Variants in PDE10A observed in about 807,000 individuals in gnomAD.
PDE10A encodes phosphodiesterase 10A.
PDE10A carries 39 observed loss-of-function variants against 97.7 expected under a neutral mutation model. That is an observed-to-expected ratio of 0.40 (90% CI 0.31 to 0.52). The LOEUF is 0.52. Among genes scored for constraint, PDE10A ranks in the 20% least tolerant of loss-of-function variants. The pLI is 0.56. For missense variants in PDE10A, 731 were observed against 1,047.8 expected, an observed-to-expected ratio of 0.70 and a Z score of 4.17; for synonymous variants, 371 against 376.8, an observed-to-expected ratio of 0.98 and a Z score of 0.18.
chr6:165,835,803 C>A (rs1002300959), intron 1 of PDE10A, among the ~76,000 whole-genome samples: 4 of 152,168 alleles, frequency 2.6e-5, no homozygotes, highest in African/African-American at 4.8e-5. Flanking sequence ...TTTCCTAGGG[C>A]AGGCACGGGC....
chr6:165,966,661 T>C (rs1784521046), intron 1 of PDE10A, among the ~76,000 whole-genome samples: 1 of 152,236 alleles, frequency 6.6e-6, no homozygotes, highest in African/African-American at 2.4e-5. Flanking sequence ...GTACAATTTT[T>C]GCAAAGCCTT....
chr6:165,470,294 C>T (rs190210998), intron 3 of PDE10A, among the ~76,000 whole-genome samples: 9 of 152,168 alleles, frequency 5.9e-5, no homozygotes, highest in South Asian at 4.1e-4. Flanking sequence ...ACTGACTCCA[C>T]GTAATTCTAA....
intron 1 of PDE10A, among the ~76,000 whole-genome samples, chr6:165,830,668 T>A (rs1167969042): frequency 6.6e-6 from 1 of 152,154 alleles, no homozygotes; most frequent in Non-Finnish European, 1.5e-5. Flanking sequence ...TTATGTCTTG[T>A]CCTTCCATGG....
intron 3 of PDE10A, among the ~76,000 whole-genome samples, chr6:165,455,288 C>T (rs1244638552): frequency 3.3e-5 from 5 of 152,072 alleles, no homozygotes; most frequent in Non-Finnish European, 7.4e-5. Flanking sequence ...AGTTTTAGCT[C>T]AAGGTTTGTC....
chr6:165,573,964 G>A (rs1785179321), intron 1 of PDE10A, among the ~76,000 whole-genome samples: 1 of 152,228 alleles, frequency 6.6e-6, no homozygotes, highest in Non-Finnish European at 1.5e-5. Flanking sequence ...TCAGCTTATA[G>A]TGCCTGGCAC....
At chr6:165,794,413 C>G (rs1778767040) in intron 1 of PDE10A, among the ~76,000 whole-genome samples, 1 of 151,776 alleles carries the variant, frequency 6.6e-6, no homozygotes, top group Non-Finnish European at 1.5e-5. Flanking sequence ...TCATCACACA[C>G]TCCTACACTC....
chr6:165,470,391 T>C (rs879328912), intron 3 of PDE10A, among the ~76,000 whole-genome samples: 2 of 152,242 alleles, frequency 1.3e-5, no homozygotes, highest in Non-Finnish European at 2.9e-5. Flanking sequence ...CCTTTGAAAC[T>C]TATTGAAAAT....
chr6:165,475,177 G>A (rs113873731), intron 3 of PDE10A, among the ~76,000 whole-genome samples: 5,020 of 152,048 alleles, frequency 0.033, 102 homozygotes, highest in Middle Eastern at 0.078. Context: ...TGCCCTAACC[G>A]AAACCTTCTT....
At chr6:165,363,332 T>C (rs1469237546) in intron 18 of PDE10A, among the ~76,000 whole-genome samples, 2 of 151,038 alleles carry the variant, frequency 1.3e-5, no homozygotes, top group African/African-American at 4.8e-5. Flanking sequence ...CTGGTCAAGA[T>C]GGTGAAACCC....
At chr6:165,575,922 A>G (rs1785279706) in intron 1 of PDE10A, among the ~76,000 whole-genome samples, 1 of 152,004 alleles carries the variant, frequency 6.6e-6, no homozygotes, top group Admixed American at 6.6e-5. Context: ...TTTTTTGGTT[A>G]AACCAACTTT....
At chr6:165,759,423 C>T (rs1349031384) in intron 1 of PDE10A, among the ~76,000 whole-genome samples, 4 of 152,074 alleles carry the variant, frequency 2.6e-5, no homozygotes, top group Admixed American at 6.5e-5. Context: ...CCCACTTTCA[C>T]GGGGCCAGGT....
At chr6:165,411,772 C>G (rs1787859954) in intron 13 of PDE10A, among the ~76,000 whole-genome samples, 1 of 152,084 alleles carries the variant, frequency 6.6e-6, no homozygotes, top group Admixed American at 6.6e-5. Context: ...AAGATAGTAT[C>G]TATTTAACAG....
intron 1 of PDE10A, among the ~76,000 whole-genome samples, chr6:165,647,405 G>A (rs1001297891): frequency 9.2e-5 from 14 of 152,210 alleles, no homozygotes; most frequent in Non-Finnish European, 1.3e-4. Context: ...AACGCTCAGA[G>A]ACAGGAGAGG....
intron 1 of PDE10A, among the ~76,000 whole-genome samples, chr6:165,913,273 TACACACACAC>T (rs58740333): frequency 0.14 from 21,104 of 147,904 alleles, 1,736 homozygotes; most frequent in East Asian, 0.26. Flanking sequence ...ACTCAACTTG[TACACACACAC>T]ACACACACAC....
intron 1 of PDE10A, among the ~76,000 whole-genome samples, chr6:165,650,661 TA>T (rs1403649898): frequency 1.1e-4 from 17 of 152,204 alleles, no homozygotes; most frequent in Non-Finnish European, 4.4e-5. Context: ...CAAACAATAC[TA>T]CGCCATATTC....
Position 165,433,122 on chromosome 6 carries a change from C to T in PDE10A, c.1343G>A (p.Arg448Gln), listed in dbSNP as rs1340528012. Residue 448 changes from arginine to glutamine, a missense_variant, in exon 7 of 22, where the codon CGA (arginine) becomes CAA (glutamine). Arg to Gln is a conservative substitution (Grantham distance 43, BLOSUM62 1). Around this residue, in one of 8 missense-constraint regions of PDE10A, gnomAD observed 152 missense variants for 199.3 expected, o/e 0.76. Transcript: ENST00000539869. Reference protein sequence around the residue: ...LLVEDILGDERFPRGTGLESG... With the variant: ...LLVEDILGDEQFPRGTGLESG... ...TTCCAGTCCAGTACCTCTTGGAAAT[C>T]GTTCATCCTGAAAAACAAAAAGACA... 6.2e-7 allele frequency: 1 copy of T among 1,605,662 alleles called. No individual in the cohort carries two copies. The highest frequency in any genetic ancestry group is 8.5e-7 in the Non-Finnish European group (1 of 1,175,442).
intron 1 of PDE10A, among the ~76,000 whole-genome samples, chr6:165,826,471 C>T (rs1398085253): frequency 7.6e-6 from 1 of 131,326 alleles, no homozygotes; most frequent in Non-Finnish European, 1.8e-5. Context: ...GTCCCCATGT[C>T]CACCTGTCCC....
intron 1 of PDE10A, among the ~76,000 whole-genome samples, chr6:165,576,173 TC>T (rs1490192034): frequency 1.3e-5 from 2 of 152,188 alleles, no homozygotes; most frequent in African/African-American, 4.8e-5. Flanking sequence ...AACTAACCCA[TC>T]CAGTATGAAA....
intron 1 of PDE10A, among the ~76,000 whole-genome samples, chr6:165,786,009 C>T (rs2128462630): frequency 6.6e-6 from 1 of 152,310 alleles, no homozygotes; most frequent in Middle Eastern, 3.4e-3. Flanking sequence ...TCACCATATT[C>T]CTCATTAATG....
Sources: allele counts gnomAD v4.1 joint callset (sites outside exome capture counted in the v4.1 genomes callset), GRCh38; gene constraint gnomAD v4.1.1; regional missense constraint gnomAD v4.1.1; transcripts MANE v1.5; gene names NCBI Gene and HGNC (gene_info 2026-07-23, HGNC 2026-07-21).